Variants in EPAS1 observed in about 807,000 individuals in gnomAD.
The protein encoded by EPAS1 is endothelial PAS domain protein 1, also known as endothelial PAS domain-containing protein 1.
EPAS1 carries 23 observed loss-of-function variants against 87.9 expected under a neutral mutation model. The observed-to-expected ratio is 0.26, with a 90% confidence interval of 0.19 to 0.37. The LOEUF is 0.37. Among genes scored for constraint, EPAS1 ranks in the 10% least tolerant of loss-of-function variants. EPAS1 has a pLI of 1.00. For synonymous variants in EPAS1, 508 were observed against 444.3 expected, an observed-to-expected ratio of 1.14 and a Z score of -1.80; for missense variants, 1,138 against 1,120.7, an observed-to-expected ratio of 1.02 and a Z score of -0.22.
intron 1 of EPAS1, among the ~76,000 whole-genome samples, chr2:46,329,310 C>T (rs1683625773): frequency 6.6e-6 from 1 of 152,136 alleles, no homozygotes; most frequent in African/African-American, 2.4e-5. Context: ...TCCTAGGACT[C>T]AGCACCTATG....
At chr2:46,384,347 G>A in intron 15 of EPAS1, 162 bp from the exon 16 acceptor site, 1 of 1,004,312 alleles carries the variant, frequency 1.0e-6, no homozygotes, top group Non-Finnish European at 1.6e-6. Context: ...TCTGGAGGCA[G>A]ACACGTTCCC....
At chr2:46,361,531 G>A (rs1007089164) in intron 6 of EPAS1, among the ~76,000 whole-genome samples, 1 of 152,004 alleles carries the variant, frequency 6.6e-6, no homozygotes, top group Non-Finnish European at 1.5e-5. Flanking sequence ...CTTTCCCTCC[G>A]CCTTGTTCCT....
chr2:46,312,810 A>G (rs896763867), intron 1 of EPAS1, among the ~76,000 whole-genome samples: 10 of 152,212 alleles, frequency 6.6e-5, no homozygotes, highest in African/African-American at 2.4e-4. Context: ...CCAGGATTCT[A>G]GATAAAGGGT....
rs1162862497 is a variant in EPAS1 at position 46,371,154 on chromosome 2, T to TA, written c.886+1224dup. ...GGATTATGGGAGGATTAAAAACGGG[T>TA]AAAGTAAGTCTGAGAAGATTCCCAG... On this transcript the variant is annotated intron_variant, in intron 7 of 15. Coordinates refer to ENST00000263734, the MANE Select transcript of EPAS1 (RefSeq NM_001430.5). The surrounding 1 kb of genome is among the most constrained non-coding windows in gnomAD (Gnocchi z 4.3). 1.3e-5 allele frequency among the ~76,000 whole-genome samples: 2 copies of TA among 151,752 alleles called. No homozygotes were observed. Among genetic ancestry groups the TA allele is most frequent in the African/African-American group, 4.8e-5 (2 of 41,258 alleles).
chr2:46,379,183 AAAAT>A (rs576262213), intron 11 of EPAS1, among the ~76,000 whole-genome samples: 2 of 152,332 alleles, frequency 1.3e-5, no homozygotes, highest in South Asian at 2.1e-4. Flanking sequence ...AATGCACTTT[AAAAT>A]AAATAACATC....
At chr2:46,303,059 C>T (rs901049638) in intron 1 of EPAS1, among the ~76,000 whole-genome samples, 5 of 151,930 alleles carry the variant, frequency 3.3e-5, no homozygotes, top group Non-Finnish European at 5.9e-5. Context: ...GGTGACAGAG[C>T]GAGACAACGT....
intron 15 of EPAS1, among the ~76,000 whole-genome samples, chr2:46,384,251 C>G (rs944201442): frequency 2.0e-5 from 3 of 152,192 alleles, no homozygotes; most frequent in Non-Finnish European, 2.9e-5. Context: ...CCAGGCTCTT[C>G]CTGAAGCTTC....
intron 11 of EPAS1, chr2:46,379,832 G>A (rs528393077): frequency 3.5e-6 from 1 of 282,050 alleles, no homozygotes; most frequent in African/African-American, 2.2e-5. Flanking sequence ...ACAAAAAAAA[G>A]CCACAGTGTG....
chr2:46,311,054 A>C (rs1683202409), intron 1 of EPAS1, among the ~76,000 whole-genome samples: 1 of 151,686 alleles, frequency 6.6e-6, no homozygotes, highest in East Asian at 1.9e-4. Context: ...TTTTTTTTGT[A>C]TTTTTAGTAG....
At chr2:46,381,558 C>T (rs769185698) in intron 12 of EPAS1, 38 bp from the exon 13 acceptor site, 16 of 1,613,634 alleles carry the variant, frequency 9.9e-6, no homozygotes, top group East Asian at 6.7e-5. Context: ...GCATGTGGCT[C>T]CAGACTCCCT....
intron 1 of EPAS1, among the ~76,000 whole-genome samples, chr2:46,303,457 T>C (rs1367028871): frequency 6.6e-6 from 1 of 152,136 alleles, no homozygotes; most frequent in South Asian, 2.1e-4. Context: ...AAATGGAATG[T>C]TTGCTGTTCT....
chr2:46,338,754 T>C (rs944136459), intron 1 of EPAS1, among the ~76,000 whole-genome samples: 2 of 152,168 alleles, frequency 1.3e-5, no homozygotes, highest in Non-Finnish European at 2.9e-5. Context: ...GAGCTGGCCA[T>C]GGGAAAAGGA....
At position 46,377,904 on chromosome 2, in the gene EPAS1, C is replaced by A. The variant is rs1223537407; in HGVS notation, c.1260C>A (p.Asn420Lys). ...CCCTTGTCTCCACAGGGAATCAGAA[C>A]TTCGAGGAGTCCTCAGCCTATGGCA... Reference protein sequence around the residue: ...AIISLDFGNQNFEESSAYGKA... With the variant: ...AIISLDFGNQKFEESSAYGKA... Residue 420 changes from asparagine to lysine, a missense_variant, in exon 10 of 16, where the codon AAC becomes AAA. Coordinates refer to ENST00000263734, the MANE Select transcript of EPAS1 (RefSeq NM_001430.5). The A allele has an allele frequency of 6.4e-7, 1 of 1,552,444 alleles. No homozygotes were observed. The highest frequency in any genetic ancestry group is 8.7e-7 in the Non-Finnish European group (1 of 1,147,400).
At chr2:46,359,532 TTCTC>T (rs1292458703) in intron 4 of EPAS1, among the ~76,000 whole-genome samples, 1 of 152,156 alleles carries the variant, frequency 6.6e-6, no homozygotes, top group Admixed American at 6.5e-5. Context: ...TGAAGGAATG[TTCTC>T]TCTTTTTTAA....
Position 46,375,182 on chromosome 2 carries a change from A to C in EPAS1, c.887-508A>C, listed in dbSNP as rs1451904470. On this transcript the variant is annotated intron_variant, in intron 7 of 15. Transcript: ENST00000263734. This position sits in a 1 kb window ranked among gnomAD's most constrained non-coding sequence, Gnocchi z 4.1. ...GGTATTGGTGGTGGGTCTGCTGAAAAAAAAAAACAAAAAAAAACAAAAAAA... is the reference window on the plus strand; with the variant it reads ...GGTATTGGTGGTGGGTCTGCTGAAACAAAAAAACAAAAAAAAACAAAAAAA... Among the ~76,000 whole-genome samples the C allele has an allele frequency of 1.4e-5, 2 of 144,940 alleles. No individual in the cohort carries two copies. The highest frequency in any genetic ancestry group is 5.4e-5 in the African/African-American group (2 of 37,158).
At chr2:46,330,491 G>C (rs1333633851) in intron 1 of EPAS1, among the ~76,000 whole-genome samples, 3 of 152,206 alleles carry the variant, frequency 2.0e-5, no homozygotes, top group Admixed American at 1.3e-4. Flanking sequence ...CAGTGGCCTT[G>C]AGGTTTGTCA....
chr2:46,297,840 G>A lies in EPAS1; in HGVS notation c.-72G>A. On this transcript the variant is annotated 5_prime_UTR_variant, in exon 1 of 16. Transcript: ENST00000263734. The stretch of plus-strand genomic sequence containing the variant: ...CGCCCGGGCCGCGGGGAGCGGACGA[G>A]GGCCACAGCCCCCCACCCGCCAGGG... 3 of 1,575,556 alleles carry A rather than the reference G, an allele frequency of 1.9e-6. No individual in the cohort carries two copies. In the East Asian group the frequency reaches 7.1e-5, roughly 37 times the overall value.
At chr2:46,361,864 A>G (rs1283028081) in intron 6 of EPAS1, among the ~76,000 whole-genome samples, 1 of 152,158 alleles carries the variant, frequency 6.6e-6, no homozygotes, top group African/African-American at 2.4e-5. Flanking sequence ...AGGAGGGAGT[A>G]TTTAGATACC....
In EPAS1 at chr2:46,380,466, G is replaced by A; in HGVS notation, c.1794G>A (p.Glu598=). ...FQQQLESKKT[E]PEHRPMSSIF... is the part of the protein sequence containing the mutation. ...AGCAGCTGGAGAGCAAGAAGACAGAGCCCGAGCACCGGCCCATGTCCTCCA... is the reference window on the plus strand; with the variant it reads ...AGCAGCTGGAGAGCAAGAAGACAGAACCCGAGCACCGGCCCATGTCCTCCA... Residue 598 remains glutamate (E), a synonymous_variant, in exon 12 of 16, where the codon GAG becomes GAA. Transcript: ENST00000263734. This position sits in a 1 kb window ranked among gnomAD's most constrained non-coding sequence, Gnocchi z 4.4. 3 of 1,614,150 alleles carry A rather than the reference G, an allele frequency of 1.9e-6. No homozygotes were observed. Among genetic ancestry groups the A allele is most frequent in the South Asian group, 1.1e-5 (1 of 91,082 alleles).
Sources: allele counts gnomAD v4.1 joint callset (sites outside exome capture counted in the v4.1 genomes callset), GRCh38; gene constraint gnomAD v4.1.1; non-coding constraint Gnocchi (gnomAD v3.1); transcripts MANE v1.5; gene names NCBI Gene and HGNC (gene_info 2026-07-23, HGNC 2026-07-21).